The following SRC variants were observed in gnomAD, a reference collection of about 807,000 sequenced individuals.
The protein encoded by SRC is proto-oncogene tyrosine-protein kinase Src.
SRC carries 13 observed loss-of-function variants against 62.9 expected under a neutral mutation model. That is an observed-to-expected ratio of 0.21 (90% CI 0.13 to 0.33). SRC has a LOEUF of 0.33. Ranked by LOEUF, SRC falls within the 10% of genes least tolerant of loss-of-function variation. SRC has a pLI of 1.00. For missense variants in SRC, 457 were observed against 737.3 expected, an observed-to-expected ratio of 0.62 and a Z score of 4.40; for synonymous variants, 302 against 317.5, an observed-to-expected ratio of 0.95 and a Z score of 0.52.
chr20:37,399,233 G>C (rs1320488865), intron 9 of SRC, among the ~76,000 whole-genome samples: 1 of 152,136 alleles, frequency 6.6e-6, no homozygotes, highest in Non-Finnish European at 1.5e-5. Flanking sequence ...ACTCTCCCAT[G>C]GTCTCTCCGC....
Position 37,384,390 on chromosome 20 carries a change from G to A in SRC, c.237G>A (p.Ala79=). The part of the protein sequence containing the change: ...SSDTVTSPQR[A]GPLAGGVTTF... ...ACACCGTCACCTCCCCGCAGAGGGC[G>A]GGCCCGCTGGCCGGTCAGTGCGCGG... Residue 79 remains alanine (A), a synonymous_variant, in exon 4 of 14, where the codon GCG becomes GCA. Coordinates refer to ENST00000373578, the MANE Select transcript of SRC (RefSeq NM_198291.3). The surrounding 1 kb of genome is among the most constrained non-coding windows in gnomAD (Gnocchi z 6.7). 7.0e-7 allele frequency: 1 copy of A among 1,429,952 alleles called. No individual in the cohort carries two copies. The highest frequency in any genetic ancestry group is 3.0e-5 in the Admixed American group (1 of 32,952). The allele number at this position is 1,429,952 out of a possible 1,614,324, so 88.6% of individuals were successfully genotyped here. A position where few individuals can be genotyped will look rare whatever the true frequency, so the allele number is the denominator to read the frequency against.
chr20:37,363,693 C>T (rs1006021068), intron 1 of SRC, among the ~76,000 whole-genome samples: 9 of 152,146 alleles, frequency 5.9e-5, no homozygotes, highest in African/African-American at 1.2e-4. Flanking sequence ...ATTCCACCCC[C>T]GCCTGGACCA....
At chr20:37,358,684 G>A (rs2069920540) in intron 1 of SRC, among the ~76,000 whole-genome samples, 2 of 152,268 alleles carry the variant, frequency 1.3e-5, no homozygotes, top group Admixed American at 6.5e-5. Flanking sequence ...CTGCCTGGGA[G>A]GAAGCAGAAG....
In SRC at chr20:37,396,546, G is replaced by T. The variant is rs767615137; in HGVS notation, c.703+235G>T. ...CTGTCCCCCTCTCTCCCTGCTCCAC[G>T]CAGTGTCCCACTGCCCGCCTTTCTC... On this transcript the variant is annotated intron_variant, in intron 8 of 13. Coordinates refer to ENST00000373578, the MANE Select transcript of SRC (RefSeq NM_198291.3). This position sits in a 1 kb window ranked among gnomAD's most constrained non-coding sequence, Gnocchi z 6.1. 3.4e-6 allele frequency: 2 copies of T among 596,792 alleles called. No individual in the cohort carries two copies. The highest frequency in any genetic ancestry group is 2.0e-5 in the South Asian group (1 of 49,066). The allele number at this position is 596,792 out of a possible 1,614,324, so 37.0% of individuals were successfully genotyped here.
chr20:37,402,161 C>G lies in SRC; in HGVS notation c.1117-274C>G, dbSNP rs2070746858. ...TCTGGGTCCGCTGGGGCCTCTTTCC[C>G]TGGTCACCTCGCTTTCCTGGCTGCA... On this transcript the variant is annotated intron_variant, in intron 11 of 13. Coordinates refer to ENST00000373578, the MANE Select transcript of SRC (RefSeq NM_198291.3). This position sits in a 1 kb window ranked among gnomAD's most constrained non-coding sequence, Gnocchi z 6.2. The G allele has an allele frequency of 2.3e-6, 1 of 426,596 alleles. No individual in the cohort carries two copies. The highest frequency in any genetic ancestry group is 4.2e-5 in the East Asian group (1 of 23,924). The allele number at this position is 426,596 out of a possible 1,614,324, so 26.4% of individuals were successfully genotyped here.
intron 1 of SRC, among the ~76,000 whole-genome samples, chr20:37,363,304 AG>A (rs2070006257): frequency 6.6e-6 from 1 of 152,156 alleles, no homozygotes; most frequent in Admixed American, 6.5e-5. Flanking sequence ...CCTCGTGCCT[AG>A]GCCAAGGGCC....
chr20:37,356,362 A>T (rs566182978), intron 1 of SRC, among the ~76,000 whole-genome samples: 1 of 152,270 alleles, frequency 6.6e-6, no homozygotes, highest in East Asian at 1.9e-4. Context: ...GGGCTACTGG[A>T]TGAGAGTAAT....
chr20:37,385,367 C>A (rs1268945788), intron 4 of SRC, among the ~76,000 whole-genome samples: 2 of 152,234 alleles, frequency 1.3e-5, no homozygotes, highest in African/African-American at 4.8e-5. Context: ...ATATGTGGAG[C>A]TCCTACTACA....
At chr20:37,383,566 T>A (rs2070395841) in intron 3 of SRC, 1 of 152,778 alleles carries the variant, frequency 6.5e-6, no homozygotes, top group African/African-American at 2.4e-5. Context: ...GTGGGTAAGG[T>A]CAGGGCTTCT....
At chr20:37,374,268 C>T (rs1029820460) in intron 2 of SRC, among the ~76,000 whole-genome samples, 3 of 151,712 alleles carry the variant, frequency 2.0e-5, no homozygotes, top group Non-Finnish European at 2.9e-5. Flanking sequence ...ATAGTAGAGA[C>T]GGGGTTTCAC....
intron 2 of SRC, among the ~76,000 whole-genome samples, chr20:37,371,034 G>A (rs1324501238): frequency 1.4e-5 from 2 of 142,078 alleles, no homozygotes; most frequent in African/African-American, 5.3e-5. Context: ...TGTTGCCCAC[G>A]CTGGAGTGCA....
intron 4 of SRC, 75 bp from the exon 5 acceptor site, chr20:37,386,000 G>T: frequency 8.4e-7 from 1 of 1,189,360 alleles, no homozygotes; most frequent in Admixed American, 1.8e-5. Flanking sequence ...ACTCCTCCTG[G>T]GTACAGGGCC....
In SRC at chr20:37,402,184, G is replaced by A. The variant is rs878923952; in HGVS notation, c.1117-251G>A. 1 of 449,478 alleles carries A rather than the reference G, an allele frequency of 2.2e-6. No individual in the cohort carries two copies. The highest frequency in any genetic ancestry group is 3.7e-5 in the South Asian group (1 of 26,984). The allele number at this position is 449,478 out of a possible 1,614,324, so 27.8% of individuals were successfully genotyped here. ...CCCTGGTCACCTCGCTTTCCTGGCT[G>A]CATCGGATCTCGTGCCTCCCCTTTG... is the stretch of plus-strand genomic sequence containing the variant. On this transcript the variant is annotated intron_variant, in intron 11 of 13. Coordinates refer to ENST00000373578, the MANE Select transcript of SRC (RefSeq NM_198291.3). The surrounding 1 kb of genome is among the most constrained non-coding windows in gnomAD (Gnocchi z 6.2).
chr20:37,400,159 C>G lies in SRC; in HGVS notation c.904C>G (p.Pro302Ala). 3 of 1,613,352 alleles carry G rather than the reference C, an allele frequency of 1.9e-6. No individual in the cohort carries two copies. Among genetic ancestry groups the G allele is most frequent in the Non-Finnish European group, 2.5e-6 (3 of 1,179,728 alleles). Reference protein sequence around the residue: ...TTRVAIKTLKPGTMSPEAFLQ... With the variant: ...TTRVAIKTLKAGTMSPEAFLQ... Reference sequence around the variant, plus strand: ...CAGGGTGGCCATCAAAACCCTGAAGCCTGGCACGATGTCTCCAGAGGCCTT... The same window carrying G: ...CAGGGTGGCCATCAAAACCCTGAAGGCTGGCACGATGTCTCCAGAGGCCTT... Residue 302 changes from proline to alanine, a missense_variant, in exon 10 of 14, where the codon CCT becomes GCT. Physicochemically the swap from Pro to Ala is conservative, Grantham distance 27. This residue lies in a region of SRC where 168 missense variants were observed against 357.8 expected (regional missense o/e 0.47). Coordinates refer to ENST00000373578, the MANE Select transcript of SRC (RefSeq NM_198291.3).
At chr20:37,379,430 G>A (rs1304544394) in intron 2 of SRC, among the ~76,000 whole-genome samples, 1 of 152,014 alleles carries the variant, frequency 6.6e-6, no homozygotes, top group Non-Finnish European at 1.5e-5. Flanking sequence ...GGAGGAGGGT[G>A]GTCTCTCATG....
At chr20:37,379,732 AAAT>A (rs1030273267) in intron 2 of SRC, among the ~76,000 whole-genome samples, 2 of 149,850 alleles carry the variant, frequency 1.3e-5, no homozygotes, top group African/African-American at 2.5e-5. Flanking sequence ...CAAAAAAAAA[AAAT>A]AATAATAATA....
At chr20:37,376,653 G>A (rs775506336) in intron 2 of SRC, among the ~76,000 whole-genome samples, 8 of 152,180 alleles carry the variant, frequency 5.3e-5, no homozygotes, top group Non-Finnish European at 1.2e-4. Flanking sequence ...ACAGGCATGC[G>A]CCACCATGCC....
chr20:37,403,304 C>T lies in SRC; in HGVS notation c.1536C>T (p.Phe512=), dbSNP rs181459666. 1.6e-5 allele frequency: 26 copies of T among 1,604,578 alleles called. No individual in the cohort carries two copies. In the East Asian group the frequency reaches 4.5e-4, roughly 28 times the overall value. The change falls in exon 14 of 14, where the codon TTC becomes TTT. Residue 512 remains phenylalanine (F), a synonymous_variant. Coordinates refer to ENST00000373578, the MANE Select transcript of SRC (RefSeq NM_198291.3). The surrounding 1 kb of genome is among the most constrained non-coding windows in gnomAD (Gnocchi z 7.1). ...AGGAGCCTGAGGAGCGGCCCACCTT[C>T]GAGTACCTGCAGGCCTTCCTGGAGG... ...WRKEPEERPT[F]EYLQAFLEDY... is the part of the protein sequence containing the mutation.
intron 5 of SRC, among the ~76,000 whole-genome samples, chr20:37,390,188 A>G (rs1475424244): frequency 6.6e-6 from 1 of 152,180 alleles, no homozygotes; most frequent in Non-Finnish European, 1.5e-5. Flanking sequence ...TGCTTTTTAC[A>G]TATGAGGAAA....
Sources: gnomAD v4.1 joint callset for allele counts (sites outside exome capture counted in the v4.1 genomes callset) on GRCh38, gnomAD v4.1.1 for gene constraint, gnomAD v4.1.1 regional missense constraint, Gnocchi (gnomAD v3.1) non-coding constraint, MANE v1.5 for transcripts, NCBI Gene and HGNC (gene_info 2026-07-23, HGNC 2026-07-21) for gene names.